The following STK25 variants were observed in gnomAD, a reference collection of about 807,000 sequenced individuals.
STK25 encodes serine/threonine kinase 25.
In STK25, 29 loss-of-function variants were observed where a neutral mutation model predicts 53.8. That is an observed-to-expected ratio of 0.54 (90% CI 0.40 to 0.74). The LOEUF is 0.74. Among genes scored for constraint, STK25 ranks in the 30% least tolerant of loss-of-function variants. The probability of loss-of-function intolerance (pLI) is 0.00; values close to 1 mark genes in which losing one functional copy is unlikely to be tolerated. For missense variants in STK25, 420 were observed against 568.0 expected (o/e 0.74, Z 2.65); for synonymous variants, 247 against 238.3 (o/e 1.04, Z -0.33).
Position 241,493,151 on chromosome 2 carries a change from A to G in STK25, c.*2511T>C. On this transcript the variant is annotated 3_prime_UTR_variant, in exon 12 of 12. Transcript: ENST00000316586. Reference sequence around the variant, plus strand: ...CTGCCCTCCCATGCTTTGCCCACACACCCTGTGCTGTGTGAACAGGGAAAC... The same window carrying G: ...CTGCCCTCCCATGCTTTGCCCACACGCCCTGTGCTGTGTGAACAGGGAAAC... 3 of 1,162,482 alleles carry G rather than the reference A, an allele frequency of 2.6e-6. No homozygotes were observed. The South Asian group carries it at 4.0e-5, about 15-fold the overall frequency. 72.0% of individuals were successfully genotyped at this position (1,162,482 alleles called of 1,614,324 possible). A position where few individuals can be genotyped will look rare whatever the true frequency, so the allele number is the denominator to read the frequency against.
intron 1 of STK25, 148 bp from the exon 2 acceptor site, chr2:241,508,283 C>A (rs1484135717): frequency 1.6e-6 from 2 of 1,272,322 alleles, no homozygotes; most frequent in Non-Finnish European, 2.0e-6. Context: ...CCCAGGCTCC[C>A]GGGGGCTCGC....
Position 241,495,471 on chromosome 2 carries a change from C to G in STK25, c.*191G>C. The G allele has an allele frequency of 3.3e-6, 2 of 611,588 alleles. No individual in the cohort carries two copies. The highest frequency in any genetic ancestry group is 5.9e-6 in the Non-Finnish European group (2 of 340,686). 37.9% of individuals were successfully genotyped at this position (611,588 alleles called of 1,614,324 possible). A position where few individuals can be genotyped will look rare whatever the true frequency, so the allele number is the denominator to read the frequency against. On this transcript the variant is annotated 3_prime_UTR_variant, in exon 12 of 12. Coordinates refer to ENST00000316586, the MANE Select transcript of STK25 (RefSeq NM_001271977.2). Reference sequence around the variant, plus strand: ...TGGGCATAGAGAACAGCGTCCCTGACGTGCACAACAGCACACTGCAGGGGT... The same window carrying G: ...TGGGCATAGAGAACAGCGTCCCTGAGGTGCACAACAGCACACTGCAGGGGT...
rs140768011 is a variant in STK25 at position 241,497,627 on chromosome 2, C to T, written c.1093G>A (p.Val365Ile). Residue 365 changes from valine to isoleucine, a missense_variant, in exon 10 of 12, where the codon GTC (valine) becomes ATC (isoleucine). Transcript: ENST00000316586. ...AGCCCCATCCTCACCTCTCCGAAGA[C>T]GGGCCGGACCAGCGTGGACAGGCAC... ...SQCLSTLVRP[V>I]FGELKEKHKQ... 1.2e-5 allele frequency: 20 copies of T among 1,613,384 alleles called. No individual in the cohort carries two copies. The highest frequency in any genetic ancestry group is 5.3e-5 in the African/African-American group (4 of 74,946).
In STK25 at chr2:241,501,556, C is replaced by T. The variant is rs1304247596; in HGVS notation, c.183G>A (p.Glu61=). The change falls in exon 3 of 12, where the codon GAG becomes GAA. Residue 61 remains glutamate (E), a synonymous_variant. Transcript: ENST00000316586. This position sits in a 1 kb window ranked among gnomAD's most constrained non-coding sequence, Gnocchi z 5.3. ...GGACAGTGATCTCCTGCTGGATGTCCTCGATCTCATCCTCGGCCTCCTCCA... is the reference window on the plus strand; with the variant it reads ...GGACAGTGATCTCCTGCTGGATGTCTTCGATCTCATCCTCGGCCTCCTCCA... ...IDLEEAEDEI[E]DIQQEITVLS... The T allele has an allele frequency of 6.2e-7, 1 of 1,614,036 alleles. No homozygotes were observed. Among genetic ancestry groups the T allele is most frequent in the Non-Finnish European group, 8.5e-7 (1 of 1,180,054 alleles).
Position 241,492,969 on chromosome 2 carries a change from G to C in STK25, c.*2693C>G, listed in dbSNP as rs1163322036. ...TATCTGCTAAGAAAGTTCAAAAACA[G>C]TCATGGCTGGCAGAAGCTCTGGGTC... On this transcript the variant is annotated 3_prime_UTR_variant, in exon 12 of 12. Coordinates refer to ENST00000316586, the MANE Select transcript of STK25 (RefSeq NM_001271977.2). 6.2e-7 allele frequency: 1 copy of C among 1,613,256 alleles called. No homozygotes were observed. Among genetic ancestry groups the C allele is most frequent in the Non-Finnish European group, 8.5e-7 (1 of 1,179,198 alleles).
At chr2:241,508,795 C>T (rs779993005), upstream of STK25, 3 of 970,170 alleles carry the variant, frequency 3.1e-6, no homozygotes, top group Non-Finnish European at 2.5e-6. Context: ...TGGACTGCGT[C>T]TCCCGGCAGG....
rs1235630575 is a variant in STK25 at position 241,501,082 on chromosome 2, G to A, written c.262-286C>T. 5.3e-6 allele frequency: 3 copies of A among 569,862 alleles called. No homozygotes were observed. Among genetic ancestry groups the A allele is most frequent in the East Asian group, 2.9e-5 (1 of 34,000 alleles). The allele number at this position is 569,862 out of a possible 1,614,324, so 35.3% of individuals were successfully genotyped here. A position where few individuals can be genotyped will look rare whatever the true frequency, so the allele number is the denominator to read the frequency against. ...TGCTGATCCAGTCCTACAGGGCTGG[G>A]AAGAGGGCATGGCTGGCAAGCATGT... On this transcript the variant is annotated intron_variant, in intron 3 of 11. Transcript: ENST00000316586. This position sits in a 1 kb window ranked among gnomAD's most constrained non-coding sequence, Gnocchi z 5.3.
At chr2:241,500,607 G>A in intron 4 of STK25, 133 bp downstream of exon 4, 1 of 978,094 alleles carries the variant, frequency 1.0e-6, no homozygotes, top group South Asian at 1.4e-5. Context: ...GTTCATTTTT[G>A]CTTTAGACGA....
Position 241,493,128 on chromosome 2 carries a change from G to A in STK25, c.*2534C>T, listed in dbSNP as rs966254943. 9.7e-6 allele frequency: 11 copies of A among 1,131,372 alleles called. No individual in the cohort carries two copies. The highest frequency in any genetic ancestry group is 9.5e-5 in the East Asian group (4 of 42,030). The allele number at this position is 1,131,372 out of a possible 1,614,324, so 70.1% of individuals were successfully genotyped here. A position where few individuals can be genotyped will look rare whatever the true frequency, so the allele number is the denominator to read the frequency against. On this transcript the variant is annotated 3_prime_UTR_variant, in exon 12 of 12. Coordinates refer to ENST00000316586, the MANE Select transcript of STK25 (RefSeq NM_001271977.2). The stretch of plus-strand genomic sequence containing the variant: ...TGTGTCCCTTTTGTATTTTGGTTCT[G>A]CCCTCCCATGCTTTGCCCACACACC...
Position 241,496,465 on chromosome 2 carries a change from G to C in STK25, c.1174C>G (p.Leu392Val), listed in dbSNP as rs201623221. ...ATGCCGGGGCAGGACTCCTCGGCCA[G>C]GCTGAAGGCGTTCTCCAGCTCCTCC... Reference protein sequence around the residue: ...ALEELENAFSLAEESCPGISD... With the variant: ...ALEELENAFSVAEESCPGISD... Residue 392 changes from leucine (L) to valine (V), a missense_variant, in exon 11 of 12, where the codon CTG becomes GTG. By Grantham distance (32) the Leu-to-Val change is conservative. Transcript: ENST00000316586. This position sits in a 1 kb window ranked among gnomAD's most constrained non-coding sequence, Gnocchi z 5.8. 9.9e-6 allele frequency: 16 copies of C among 1,613,664 alleles called. No homozygotes were observed.
chr2:241,508,586 C>G, upstream of STK25: 2 of 989,142 alleles, frequency 2.0e-6, no homozygotes, highest in Non-Finnish European at 2.4e-6. Flanking sequence ...GGAGAAAGCC[C>G]GGAGGCGACG....
chr2:241,495,987 A>G (rs575677159), intron 11 of STK25, among the ~76,000 whole-genome samples: 1 of 152,302 alleles, frequency 6.6e-6, no homozygotes, highest in East Asian at 1.9e-4. Flanking sequence ...TGGGCGGTGG[A>G]GGGCCCAGCA....
rs555993638 is a variant in STK25 at position 241,499,266 on chromosome 2, G to A, written c.576C>T (p.Tyr192=). The A allele has an allele frequency of 1.7e-5, 27 of 1,614,008 alleles. No individual in the cohort carries two copies. Among genetic ancestry groups the A allele is most frequent in the South Asian group, 1.1e-4 (10 of 91,080 alleles). ...CGCCCGCTGCACCCACCTTGAAGTCGTAGGCCGACTGCTTGATGACCTCAG... is the reference window on the plus strand; with the variant it reads ...CGCCCGCTGCACCCACCTTGAAGTCATAGGCCGACTGCTTGATGACCTCAG... ...MAPEVIKQSA[Y]DFKADIWSLG... Residue 192 remains tyrosine, a synonymous_variant, in exon 6 of 12, where the codon TAC becomes TAT. Coordinates refer to ENST00000316586, the MANE Select transcript of STK25 (RefSeq NM_001271977.2).
intron 3 of STK25, chr2:241,500,998 G>C: frequency 1.7e-6 from 1 of 604,630 alleles, no homozygotes; most frequent in Non-Finnish European, 3.0e-6. Context: ...CAGAGGACAG[G>C]TTGAGTACAC....
In STK25 at chr2:241,499,372, G is replaced by A. The variant is rs866103467; in HGVS notation, c.470C>T (p.Ala157Val). 2.5e-6 allele frequency: 4 copies of A among 1,613,802 alleles called. No homozygotes were observed. Among genetic ancestry groups the A allele is most frequent in the East Asian group, 2.2e-5 (1 of 44,864 alleles). The change falls in exon 6 of 12, where the codon GCG becomes GTG. Residue 157 changes from alanine (A) to valine (V), a missense_variant. Physicochemically the swap from Ala to Val is moderately conservative, Grantham distance 64. Coordinates refer to ENST00000316586, the MANE Select transcript of STK25 (RefSeq NM_001271977.2). ...LLSEQGDVKL[A>V]DFGVAGQLTD... ...GAGCTGCCCTGCTACCCCAAAGTCCGCCAGCTTCACGTCACCCTGCTCCGA... is the reference window on the plus strand; with the variant it reads ...GAGCTGCCCTGCTACCCCAAAGTCCACCAGCTTCACGTCACCCTGCTCCGA...
chr2:241,504,754 TGTCATAGGTAAGCA>T (rs1428148831), intron 2 of STK25, among the ~76,000 whole-genome samples: 4 of 152,038 alleles, frequency 2.6e-5, no homozygotes, highest in Non-Finnish European at 5.9e-5. Context: ...GCCCACTGGC[TGTCATAGGTAAGCA>T]GTCAGTGTTA....
chr2:241,497,810 G>A (rs972204439), intron 9 of STK25, 123 bp from the exon 10 acceptor site: 5 of 974,168 alleles, frequency 5.1e-6, no homozygotes, highest in East Asian at 5.2e-5. Flanking sequence ...CGGGGCACAT[G>A]TCCAGGGCCG....
At chr2:241,500,084 A>C in intron 5 of STK25, 89 bp downstream of exon 5, 1 of 1,114,402 alleles carries the variant, frequency 9.0e-7, no homozygotes, top group Non-Finnish European at 1.4e-6. Flanking sequence ...CCTGGGCACC[A>C]CTAGCCACTT....
At position 241,497,705 on chromosome 2, in the gene STK25, C is replaced by T; in HGVS notation, c.1033-18G>A. 1.2e-6 allele frequency: 2 copies of T among 1,612,640 alleles called. No individual in the cohort carries two copies. Among genetic ancestry groups the T allele is most frequent in the Non-Finnish European group, 1.7e-6 (2 of 1,179,554 alleles). On this transcript the variant is annotated intron_variant, in intron 9 of 11. Coordinates refer to ENST00000316586, the MANE Select transcript of STK25 (RefSeq NM_001271977.2). ...TCCGCAGGCTGCAAAGGAGTGGAGG[C>T]CCAGGGTGAGCAGGGCAGTGCAGGT... is the stretch of plus-strand genomic sequence containing the variant.
Sources: gnomAD v4.1 joint callset for allele counts (sites outside exome capture counted in the v4.1 genomes callset) on GRCh38, gnomAD v4.1.1 for gene constraint, Gnocchi (gnomAD v3.1) non-coding constraint, MANE v1.5 for transcripts, NCBI Gene and HGNC (gene_info 2026-07-23, HGNC 2026-07-21) for gene names.